The following PTPRN2 variants were observed in gnomAD, a reference collection of about 807,000 sequenced individuals.
The protein encoded by PTPRN2 is receptor-type tyrosine-protein phosphatase N2.
A neutral mutation model predicts 118.8 loss-of-function variants in PTPRN2; 74 were observed. The observed-to-expected ratio is 0.62, with a 90% CI of 0.52 to 0.76. The LOEUF (loss-of-function observed/expected upper bound fraction) is 0.76. Ranked by LOEUF, PTPRN2 falls within the 30% of genes least tolerant of loss-of-function variation. The pLI is 0.00. For missense variants in PTPRN2, 1,481 were observed against 1,394.4 expected (o/e 1.06, Z -0.99); for synonymous variants, 641 against 608.0 (o/e 1.05, Z -0.80).
chr7:157,973,970 T>C (rs917691774), intron 11 of PTPRN2, among the ~76,000 whole-genome samples: 1 of 152,148 alleles, frequency 6.6e-6, no homozygotes, highest in African/African-American at 2.4e-5. Flanking sequence ...TTACAAGCCA[T>C]TGGTGAGCTT....
chr7:158,125,378 C>A (rs1334276512), intron 9 of PTPRN2, among the ~76,000 whole-genome samples: 2 of 152,018 alleles, frequency 1.3e-5, no homozygotes, highest in Non-Finnish European at 2.9e-5. Flanking sequence ...CCCACGGCCA[C>A]CCCCCTGCCT....
intron 11 of PTPRN2, among the ~76,000 whole-genome samples, chr7:157,905,106 C>T (rs755203494): frequency 7.9e-5 from 12 of 152,282 alleles, no homozygotes; most frequent in Admixed American, 3.3e-4. Context: ...CTGGGGAGCC[C>T]GCCGTCCTCT....
At chr7:158,576,961 G>A (rs10269102) in intron 1 of PTPRN2, among the ~76,000 whole-genome samples, 1 of 66,722 alleles carries the variant, frequency 1.5e-5, no homozygotes, top group Non-Finnish European at 2.7e-5. Flanking sequence ...TGAGGGCTGC[G>A]CACCCTGCCT....
intron 3 of PTPRN2, among the ~76,000 whole-genome samples, chr7:158,263,141 TCACACACTGCACACAGTCACACATTCA>T (rs1797640335): frequency 2.9e-5 from 4 of 137,170 alleles, no homozygotes; most frequent in African/African-American, 8.2e-5. Flanking sequence ...ATACACACAT[TCACACACTGCACACAGTCACACATTCA>T]CACACACTGC....
At chr7:158,374,342 C>T (rs1810331513) in intron 2 of PTPRN2, among the ~76,000 whole-genome samples, 2 of 152,138 alleles carry the variant, frequency 1.3e-5, no homozygotes, top group South Asian at 4.1e-4. Flanking sequence ...ATGCTGCAGG[C>T]CAAGAACACA....
At chr7:158,540,212 T>G (rs1825905152) in intron 1 of PTPRN2, among the ~76,000 whole-genome samples, 1 of 152,218 alleles carries the variant, frequency 6.6e-6, no homozygotes, top group South Asian at 2.1e-4. Context: ...TTCTTGTCTC[T>G]GCAGCCGGGG....
chr7:158,323,707 T>C (rs1302658205), intron 2 of PTPRN2, among the ~76,000 whole-genome samples: 1 of 152,086 alleles, frequency 6.6e-6, no homozygotes, highest in East Asian at 1.9e-4. Flanking sequence ...GCCAAAGTAA[T>C]TTCATTCGCA....
chr7:157,768,546 C>T (rs1254146719), intron 12 of PTPRN2, among the ~76,000 whole-genome samples: 3 of 152,198 alleles, frequency 2.0e-5, no homozygotes, highest in East Asian at 1.9e-4. Flanking sequence ...TGACGTGAGG[C>T]TCCCCAGCTC....
chr7:157,619,453 AG>A lies in PTPRN2; in HGVS notation c.2344+1908del, dbSNP rs1803021294. On this transcript the variant is annotated intron_variant, in intron 15 of 22. Coordinates refer to ENST00000389418, the MANE Select transcript of PTPRN2 (RefSeq NM_002847.5). This position sits in a 1 kb window ranked among gnomAD's most constrained non-coding sequence, Gnocchi z 5.3. ...TCCTCCCCCAGGCTGCTCCTCTCTG[AG>A]GACAGTGGCCAGGCCCCCAGAGCCT... Among the ~76,000 whole-genome samples, 1 of 152,024 alleles carries A rather than the reference AG, an allele frequency of 6.6e-6. No individual in the cohort carries two copies. The highest frequency in any genetic ancestry group is 2.4e-5 in the African/African-American group (1 of 41,386).
intron 3 of PTPRN2, among the ~76,000 whole-genome samples, chr7:158,270,869 G>T (rs1295283214): frequency 3.1e-4 from 4 of 12,902 alleles, no homozygotes; most frequent in East Asian, 2.3e-3. Context: ...CACCTGGACC[G>T]CCCCCTCCAC....
chr7:158,431,625 GCACA>G (rs1352067277), intron 2 of PTPRN2, among the ~76,000 whole-genome samples: 3 of 141,282 alleles, frequency 2.1e-5, no homozygotes, highest in Admixed American at 7.1e-5. Flanking sequence ...CTCGCACTGG[GCACA>G]CACCAGGACA....
intron 2 of PTPRN2, among the ~76,000 whole-genome samples, chr7:158,379,752 AC>A (rs375640363): frequency 7.9e-5 from 12 of 152,226 alleles, no homozygotes; most frequent in African/African-American, 2.9e-4. Context: ...GTGGATGGGG[AC>A]CCCCTAGCTG....
At chr7:157,636,469 T>C (rs1343991447) in intron 14 of PTPRN2, among the ~76,000 whole-genome samples, 3 of 152,258 alleles carry the variant, frequency 2.0e-5, no homozygotes, top group Admixed American at 2.0e-4. Context: ...CTGCAGCTAC[T>C]TCGATTAAAA....
intron 2 of PTPRN2, among the ~76,000 whole-genome samples, chr7:158,481,843 A>C (rs1820667147): frequency 6.6e-6 from 1 of 152,186 alleles, no homozygotes; most frequent in African/African-American, 2.4e-5. Context: ...GGGTAAAGTA[A>C]ATTGAAAACC....
At chr7:157,693,261 G>T (rs1797605516) in intron 12 of PTPRN2, among the ~76,000 whole-genome samples, 1 of 152,052 alleles carries the variant, frequency 6.6e-6, no homozygotes, top group African/African-American at 2.4e-5. Flanking sequence ...GTGCGCGCGT[G>T]TCTGATGTGT....
chr7:157,589,836 G>C (rs1304327279), intron 17 of PTPRN2, among the ~76,000 whole-genome samples: 1 of 152,248 alleles, frequency 6.6e-6, no homozygotes, highest in Non-Finnish European at 1.5e-5. Context: ...CCAGACGCCA[G>C]CCGAGGCCAA....
intron 1 of PTPRN2, among the ~76,000 whole-genome samples, chr7:158,577,067 G>C (rs1359559517): frequency 3.0e-3 from 260 of 86,514 alleles, no homozygotes; most frequent in African/African-American, 9.3e-3. Flanking sequence ...ACTGAGGGCT[G>C]CCCACCCTGC....
rs913851666 is a variant in PTPRN2, at chr7:157,763,405, G to A, written c.1789-80468C>T. On this transcript the variant is annotated intron_variant, in intron 12 of 22. Coordinates refer to ENST00000389418, the MANE Select transcript of PTPRN2 (RefSeq NM_002847.5). This position sits in a 1 kb window ranked among gnomAD's most constrained non-coding sequence, Gnocchi z 4.9. ...GCCCCAGTCACTGTGGCCATGGGGC[G>A]GCCTTCGCTCTGAGGCACAGGTTGG... 2.6e-5 allele frequency among the ~76,000 whole-genome samples: 4 copies of A among 152,130 alleles called. No individual in the cohort carries two copies. The highest frequency in any genetic ancestry group is 1.3e-4 in the Admixed American group (2 of 15,282).
At chr7:158,357,118 A>G (rs755546207) in intron 2 of PTPRN2, among the ~76,000 whole-genome samples, 2 of 152,242 alleles carry the variant, frequency 1.3e-5, no homozygotes, top group Non-Finnish European at 2.9e-5. Context: ...GAAAATAGAA[A>G]CCAAGATTTG....
Sources: allele counts gnomAD v4.1 joint callset (sites outside exome capture counted in the v4.1 genomes callset), GRCh38; gene constraint gnomAD v4.1.1; non-coding constraint Gnocchi (gnomAD v3.1); transcripts MANE v1.5; gene names NCBI Gene and HGNC (gene_info 2026-07-23, HGNC 2026-07-21).